The following ATG5 variants were observed in gnomAD, a reference collection of about 807,000 sequenced individuals.
ATG5 encodes autophagy related 5, also known as autophagy protein 5.
ATG5 carries 14 observed loss-of-function variants against 36.5 expected under a neutral mutation model. The ratio of observed to expected loss-of-function variants is 0.38; its 90% confidence interval spans 0.25 to 0.60. ATG5 has a LOEUF of 0.60. ATG5 is among the 20% of genes least tolerant of loss of function. ATG5 has a pLI of 0.60. For missense variants in ATG5, 195 were observed against 326.7 expected, an observed-to-expected ratio of 0.60 and a Z score of 3.11; for synonymous variants, 95 against 101.5, an observed-to-expected ratio of 0.94 and a Z score of 0.38.
chr6:106,255,026 A>G (rs1231011665), intron 5 of ATG5, among the ~76,000 whole-genome samples: 1 of 152,182 alleles, frequency 6.6e-6, no homozygotes, highest in Non-Finnish European at 1.5e-5. Context: ...TTCAACCACC[A>G]TATAAGGTTC....
chr6:106,283,931 T>C (rs962411433), intron 4 of ATG5, among the ~76,000 whole-genome samples: 5 of 152,376 alleles, frequency 3.3e-5, no homozygotes, highest in Non-Finnish European at 5.9e-5. Flanking sequence ...AAATGCATTA[T>C]ATAATGTGCA....
chr6:106,201,829 G>A (rs1776442336), intron 7 of ATG5, 143 bp downstream of exon 7: 1 of 504,992 alleles, frequency 2.0e-6, no homozygotes, highest in South Asian at 3.9e-5. Flanking sequence ...TTAAATATTA[G>A]GTGCTTCTGT....
intron 4 of ATG5, among the ~76,000 whole-genome samples, chr6:106,287,791 T>C (rs1299435382): frequency 6.6e-6 from 1 of 151,868 alleles, no homozygotes; most frequent in East Asian, 1.9e-4. Context: ...GAGAAAAAAT[T>C]TTTTTAATTT....
intron 6 of ATG5, among the ~76,000 whole-genome samples, chr6:106,240,104 C>A (rs1778060510): frequency 1.3e-5 from 2 of 151,878 alleles, no homozygotes; most frequent in South Asian, 4.2e-4. Context: ...GTAATGCTCC[C>A]ACCACAGAAT....
At chr6:106,299,568 T>C (rs1770119503) in intron 3 of ATG5, among the ~76,000 whole-genome samples, 1 of 152,224 alleles carries the variant, frequency 6.6e-6, no homozygotes, top group Non-Finnish European at 1.5e-5. Flanking sequence ...CACTTTGTTC[T>C]TTTTCTTCTT....
intron 3 of ATG5, among the ~76,000 whole-genome samples, chr6:106,305,602 T>C (rs753294476): frequency 8.5e-5 from 13 of 152,204 alleles, no homozygotes; most frequent in East Asian, 1.9e-4. Context: ...CTTTCCTACC[T>C]GAACTTATTT....
intron 3 of ATG5, among the ~76,000 whole-genome samples, chr6:106,301,793 A>G (rs966778764): frequency 6.6e-6 from 1 of 152,114 alleles, no homozygotes; most frequent in Non-Finnish European, 1.5e-5. Flanking sequence ...TCTGGTCCCA[A>G]CCATTTTGGA....
intron 5 of ATG5, among the ~76,000 whole-genome samples, chr6:106,255,535 TACA>T (rs1778767346): frequency 6.6e-6 from 1 of 152,172 alleles, no homozygotes; most frequent in African/African-American, 2.4e-5. Flanking sequence ...GACTGTAAGT[TACA>T]ACATCTTTAA....
chr6:106,323,946 C>A (rs1307999341), intron 1 of ATG5, among the ~76,000 whole-genome samples: 3 of 152,136 alleles, frequency 2.0e-5, no homozygotes, highest in South Asian at 2.1e-4. Context: ...CTAGTATGCG[C>A]CTGCTTCAGG....
In ATG5 at chr6:106,316,982, C is replaced by T. The variant is rs76847993; in HGVS notation, c.-58-716G>A. Among the ~76,000 whole-genome samples the T allele has an allele frequency of 3.0e-3, 453 of 152,266 alleles. 1 individual carries two copies. Among genetic ancestry groups the T allele is most frequent in the African/African-American group, 0.01 (419 of 41,554 alleles). ...CTCTGCAAACCATGCTCACAGCCCTCTGGCCCCAGTGAAACAGTAAATGCT... is the reference window on the plus strand; with the variant it reads ...CTCTGCAAACCATGCTCACAGCCCTTTGGCCCCAGTGAAACAGTAAATGCT... On this transcript the variant is annotated intron_variant, in intron 1 of 7. Coordinates refer to ENST00000369076, the MANE Select transcript of ATG5 (RefSeq NM_004849.4).
intron 6 of ATG5, among the ~76,000 whole-genome samples, chr6:106,212,862 A>C (rs1222564322): frequency 6.6e-6 from 1 of 152,218 alleles, no homozygotes; most frequent in Non-Finnish European, 1.5e-5. Context: ...AAAAACAAAA[A>C]AACCCCAAGC....
intron 6 of ATG5, among the ~76,000 whole-genome samples, chr6:106,229,174 G>C (rs1777567653): frequency 6.6e-6 from 1 of 152,232 alleles, no homozygotes; most frequent in Non-Finnish European, 1.5e-5. Context: ...ATTTCCTCTA[G>C]CAAGTTGTAT....
At chr6:106,206,116 C>T (rs1291142662) in intron 6 of ATG5, among the ~76,000 whole-genome samples, 1 of 152,100 alleles carries the variant, frequency 6.6e-6, no homozygotes, top group Non-Finnish European at 1.5e-5. Flanking sequence ...GAAACCTATT[C>T]CTCATCATGG....
chr6:106,294,601 T>G lies in ATG5; in HGVS notation c.237-1495A>C, dbSNP rs563352092. ...GGGGGGCCAAGGTGGGTGGATCACT[T>G]GACTTGAAGTCAGGAGTTCGAGACC... On this transcript the variant is annotated intron_variant, in intron 3 of 7. Transcript: ENST00000369076. Among the ~76,000 whole-genome samples, 261 of 151,638 alleles carry G rather than the reference T, an allele frequency of 1.7e-3. 2 individuals are homozygous for G. The highest frequency in any genetic ancestry group is 6.1e-3 in the African/African-American group (250 of 41,302).
At chr6:106,189,610 A>G (rs961175020) in intron 7 of ATG5, among the ~76,000 whole-genome samples, 1 of 149,202 alleles carries the variant, frequency 6.7e-6, no homozygotes, top group Non-Finnish European at 1.5e-5. Context: ...AACAAGTGAG[A>G]CCCTGTGTAA....
chr6:106,253,137 G>C, intron 5 of ATG5, among the ~76,000 whole-genome samples: 1 of 152,184 alleles, frequency 6.6e-6, no homozygotes, highest in East Asian at 1.9e-4. Flanking sequence ...AGACAAAACA[G>C]GAGAAAAATA....
At chr6:106,221,740 G>A (rs1341943417) in intron 6 of ATG5, among the ~76,000 whole-genome samples, 4 of 151,222 alleles carry the variant, frequency 2.6e-5, no homozygotes, top group African/African-American at 9.7e-5. Context: ...ATCACTTGAG[G>A]TCCAACTTAT....
At chr6:106,218,411 A>T (rs1392948336) in intron 6 of ATG5, among the ~76,000 whole-genome samples, 1 of 152,246 alleles carries the variant, frequency 6.6e-6, no homozygotes, top group Non-Finnish European at 1.5e-5. Flanking sequence ...ATGAATCACA[A>T]TATTTAACGT....
chr6:106,277,975 C>T (rs1779728468), intron 5 of ATG5, among the ~76,000 whole-genome samples: 1 of 152,088 alleles, frequency 6.6e-6, no homozygotes, highest in Admixed American at 6.5e-5. Context: ...GACAGGGTCT[C>T]ACTCTGTCAC....
Sources: allele counts gnomAD v4.1 joint callset (sites outside exome capture counted in the v4.1 genomes callset), GRCh38; gene constraint gnomAD v4.1.1; transcripts MANE v1.5; gene names NCBI Gene and HGNC (gene_info 2026-07-23, HGNC 2026-07-21).